Variants in ITIH4 observed in about 807,000 individuals in gnomAD.
ITIH4 encodes the protein inter-alpha-trypsin inhibitor heavy chain H4.
In ITIH4, 79 loss-of-function variants were observed where a neutral mutation model predicts 111.8. The observed-to-expected ratio is 0.71, with a 90% CI of 0.59 to 0.85. The LOEUF (loss-of-function observed/expected upper bound fraction) is 0.85, where lower values mean the gene tolerates loss of function less well. Ranked by LOEUF, ITIH4 falls within the 40% of genes least tolerant of loss-of-function variation. ITIH4 has a pLI of 0.00. For missense variants in ITIH4, 1,065 were observed against 1,195.8 expected, an observed-to-expected ratio of 0.89 and a Z score of 1.61; for synonymous variants, 472 against 468.3, an observed-to-expected ratio of 1.01 and a Z score of -0.10.
chr3:52,820,893 T>C, intron 12 of ITIH4, 98 bp downstream of exon 12: 1 of 1,548,442 alleles, frequency 6.5e-7, no homozygotes. Context: ...AGCTTGGACA[T>C]GATGCCAAGA....
chr3:52,818,538 T>C lies in ITIH4; in HGVS notation c.2078-2A>G, dbSNP rs1700320708. The stretch of plus-strand genomic sequence containing the variant: ...TGGCTGGTGGTGCTGAAGCAGGCAC[T>C]AGGGCAGGAACATCCGGAAACAGAA... On this transcript the variant is annotated splice_acceptor_variant, in intron 17 of 23. Transcript: ENST00000266041. LOFTEE classifies it high-confidence loss of function. 9 of 1,599,504 alleles carry C rather than the reference T, an allele frequency of 5.6e-6. No individual in the cohort carries two copies. The highest frequency in any genetic ancestry group is 6.8e-6 in the Non-Finnish European group (8 of 1,172,834).
chr3:52,824,614 C>G lies in ITIH4; in HGVS notation c.877-49G>C. The stretch of plus-strand genomic sequence containing the variant: ...GTGCTTCAGAAGGGCTCCCTGAGGG[C>G]TCGTGTGCCCTAGGGCTGGCATCCT... On this transcript the variant is annotated intron_variant, in intron 7 of 23. Transcript: ENST00000266041. The surrounding 1 kb of genome is among the most constrained non-coding windows in gnomAD (Gnocchi z 4.3). 6.4e-7 allele frequency: 1 copy of G among 1,563,442 alleles called. No individual in the cohort carries two copies. The highest frequency in any genetic ancestry group is 8.7e-7 in the Non-Finnish European group (1 of 1,151,956).
At chr3:52,823,780 A>G (rs1318340304) in intron 10 of ITIH4, 39 bp from the exon 11 acceptor site, 2 of 1,613,764 alleles carry the variant, frequency 1.2e-6, no homozygotes, top group Admixed American at 3.3e-5. Flanking sequence ...GGGCTTTATG[A>G]CTGCCCACTT....
intron 6 of ITIH4, 42 bp downstream of exon 6, chr3:52,825,844 C>T (rs1209631056): frequency 2.8e-5 from 45 of 1,585,816 alleles, no homozygotes; most frequent in Non-Finnish European, 3.7e-5. Context: ...TGGGGGTGGA[C>T]AGACTTCTAG....
Position 52,823,598 on chromosome 3 carries a change from G to T in ITIH4, c.1497C>A (p.Asp499Glu). Residue 499 changes from aspartate (D) to glutamate (E), a missense_variant, in exon 11 of 24, where the codon GAC becomes GAA. Coordinates refer to ENST00000266041, the MANE Select transcript of ITIH4 (RefSeq NM_002218.5). ...SEMVVAGKLQ[D>E]RGPDVLTATV... ...TGGCTGTGAGCACATCAGGCCCCCG[G>T]TCCTGGAGCTTCCCAGCCACCACCA... is the stretch of plus-strand genomic sequence containing the variant. 6.2e-7 allele frequency: 1 copy of T among 1,613,688 alleles called. No individual in the cohort carries two copies.
rs749728043 is a variant in ITIH4 at position 52,814,025 on chromosome 3, A to T, written c.2673T>A (p.Asp891Glu). 5 of 1,613,950 alleles carry T rather than the reference A, an allele frequency of 3.1e-6. No homozygotes were observed. The highest frequency in any genetic ancestry group is 2.2e-5 in the East Asian group (1 of 44,868). ...GAACCCTCAGCGTGCGTCTGCCGTC[A>T]TCTGATGCTGCTGGAGATCCCCAGA... is the stretch of plus-strand genomic sequence containing the variant. ...EVLWGSPAAS[D>E]DGRRTLRVQG... is the part of the protein sequence containing the mutation. Residue 891 changes from aspartate (D) to glutamate (E), a missense_variant, in exon 23 of 24, where the codon GAT becomes GAA. Transcript: ENST00000266041.
intron 14 of ITIH4, 71 bp from the exon 15 acceptor site, chr3:52,820,061 T>TATTCTG (rs1303872845): frequency 3.3e-6 from 5 of 1,508,526 alleles, no homozygotes; most frequent in Non-Finnish European, 3.7e-6. Context: ...ATGGGGACTG[T>TATTCTG]ATTCTTAGTG....
intron 11 of ITIH4, among the ~76,000 whole-genome samples, chr3:52,822,114 T>C (rs1343568003): frequency 1.3e-5 from 2 of 152,142 alleles, no homozygotes; most frequent in Admixed American, 6.5e-5. Context: ...GAGGCCAAGG[T>C]GGGCAGATCA....
Position 52,823,663 on chromosome 3 carries a change from T to C in ITIH4, c.1432A>G (p.Thr478Ala). 6.2e-7 allele frequency: 1 copy of C among 1,614,172 alleles called. No individual in the cohort carries two copies. Among genetic ancestry groups the C allele is most frequent in the Non-Finnish European group, 8.5e-7 (1 of 1,180,028 alleles). Residue 478 changes from threonine to alanine, a missense_variant, in exon 11 of 24, where the codon ACT (threonine) becomes GCT (alanine). Physicochemically the swap from Thr to Ala is moderately conservative, Grantham distance 58 (BLOSUM62 0). Coordinates refer to ENST00000266041, the MANE Select transcript of ITIH4 (RefSeq NM_002218.5). Reference protein sequence around the residue: ...EYPSNAVEEVTQNNFRLLFKG... With the variant: ...EYPSNAVEEVAQNNFRLLFKG... ...AAGAGGAGCCGGAAGTTGTTCTGAGTGACCTCCTCCACGGCATTGCTTGGG... is the reference window on the plus strand; with the variant it reads ...AAGAGGAGCCGGAAGTTGTTCTGAGCGACCTCCTCCACGGCATTGCTTGGG...
In ITIH4 at chr3:52,823,731, T is replaced by C; in HGVS notation, c.1364A>G (p.Gln455Arg). The C allele has an allele frequency of 6.2e-7, 1 of 1,614,146 alleles. No homozygotes were observed. Among genetic ancestry groups the C allele is most frequent in the Non-Finnish European group, 8.5e-7 (1 of 1,180,014 alleles). Reference protein sequence around the residue: ...DSALQLQDFYQEVANPLLTAV... With the variant: ...DSALQLQDFYREVANPLLTAV... ...TGTCAGCAGTGGGTTGGCCACTTCC[T>C]GGTAGAAGTCCTGCAGGGTTGGGGG... The change falls in exon 11 of 24, where the codon CAG (glutamine) becomes CGG (arginine). Residue 455 changes from glutamine to arginine, a missense_variant. Transcript: ENST00000266041.
chr3:52,821,737 C>T (rs746676396), intron 11 of ITIH4, among the ~76,000 whole-genome samples: 8 of 152,168 alleles, frequency 5.3e-5, no homozygotes, highest in Non-Finnish European at 1.0e-4. Flanking sequence ...CAGGGAGGGG[C>T]CTGTGGTCTC....
intron 5 of ITIH4, 97 bp from the exon 6 acceptor site, chr3:52,826,111 G>C (rs1578780928): frequency 6.6e-7 from 1 of 1,524,484 alleles, no homozygotes; most frequent in Admixed American, 1.9e-5. Context: ...CAGAATTCCA[G>C]GATGCAGCCT....
chr3:52,821,841 T>C (rs1467830952), intron 11 of ITIH4, among the ~76,000 whole-genome samples: 1 of 152,138 alleles, frequency 6.6e-6, no homozygotes, highest in Non-Finnish European at 1.5e-5. Context: ...CCAAGAGACC[T>C]TTTCACAGTG....
chr3:52,815,468 C>T (rs996045518), intron 21 of ITIH4, among the ~76,000 whole-genome samples: 2 of 151,894 alleles, frequency 1.3e-5, no homozygotes, highest in African/African-American at 4.8e-5. Flanking sequence ...TCTCCAATTC[C>T]TGACCTTAGG....
Position 52,824,345 on chromosome 3 carries a change from C to T in ITIH4, c.1046-30G>A, listed in dbSNP as rs1047037363. 5 of 1,611,916 alleles carry T rather than the reference C, an allele frequency of 3.1e-6. No homozygotes were observed. Among genetic ancestry groups the T allele is most frequent in the Non-Finnish European group, 4.2e-6 (5 of 1,178,320 alleles). ...GGAACACGCACTCTCAAGGTGGTCCCCAGCCAGGAGCCCTGGAAGCCCCCA... is the reference window on the plus strand; with the variant it reads ...GGAACACGCACTCTCAAGGTGGTCCTCAGCCAGGAGCCCTGGAAGCCCCCA... On this transcript the variant is annotated intron_variant, in intron 8 of 23. Transcript: ENST00000266041. The surrounding 1 kb of genome is among the most constrained non-coding windows in gnomAD (Gnocchi z 4.3).
chr3:52,819,107 A>C, intron 17 of ITIH4: 6 of 408,582 alleles, frequency 1.5e-5, no homozygotes, highest in Non-Finnish European at 1.4e-5. Context: ...CAGCTAAAGG[A>C]CCCGGGTGAG....
chr3:52,820,910 T>C lies in ITIH4; in HGVS notation c.1679+81A>G, dbSNP rs553010137. ...CTTGGACATGATGCCAAGACCCCCC[T>C]CTCTCCATGCTTAGGCGCTGTACCG... On this transcript the variant is annotated intron_variant, in intron 12 of 23. Transcript: ENST00000266041. 9 of 1,558,672 alleles carry C rather than the reference T, an allele frequency of 5.8e-6. No individual in the cohort carries two copies. The African/African-American group carries it at 1.2e-4, about 21-fold the overall frequency.
chr3:52,827,505 C>T (rs1700503586), intron 2 of ITIH4, among the ~76,000 whole-genome samples: 1 of 152,258 alleles, frequency 6.6e-6, no homozygotes, highest in Non-Finnish European at 1.5e-5. Flanking sequence ...TTCTCTCCAC[C>T]TGTCCAGTCT....
Position 52,820,336 on chromosome 3 carries a change from G to A in ITIH4, c.1835-19C>T. The A allele has an allele frequency of 9.3e-6, 15 of 1,613,128 alleles. No individual in the cohort carries two copies. The highest frequency in any genetic ancestry group is 1.3e-5 in the African/African-American group (1 of 75,062). ...CTACTTTCTGGATAAAACAAAGAGA[G>A]AGAGAGAGACAGACAGACAGAGACA... On this transcript the variant is annotated intron_variant, in intron 13 of 23. Transcript: ENST00000266041.
Sources: gnomAD v4.1 joint callset for allele counts (sites outside exome capture counted in the v4.1 genomes callset) on GRCh38, gnomAD v4.1.1 for gene constraint, Gnocchi (gnomAD v3.1) non-coding constraint, MANE v1.5 for transcripts, NCBI Gene and HGNC (gene_info 2026-07-23, HGNC 2026-07-21) for gene names.